Variants in TCOF1 observed in about 807,000 individuals in gnomAD.
TCOF1 encodes treacle ribosome biogenesis factor 1, also known as treacle protein.
TCOF1 carries 33 observed loss-of-function variants against 149.0 expected under a neutral mutation model. That is an observed-to-expected ratio of 0.22 (90% CI 0.17 to 0.30). The LOEUF (loss-of-function observed/expected upper bound fraction) is 0.30. Among genes scored for constraint, TCOF1 ranks in the 10% least tolerant of loss-of-function variants. The pLI is 1.00. For synonymous variants in TCOF1, 789 were observed against 738.8 expected, an observed-to-expected ratio of 1.07 and a Z score of -1.10; for missense variants, 1,728 against 1,840.7, an observed-to-expected ratio of 0.94 and a Z score of 1.12.
Position 150,398,373 on chromosome 5 carries a change from A to G in TCOF1, c.4365A>G (p.Lys1455=). The G allele has an allele frequency of 2.5e-6, 4 of 1,613,740 alleles. No individual in the cohort carries two copies. Among genetic ancestry groups the G allele is most frequent in the Non-Finnish European group, 3.4e-6 (4 of 1,179,944 alleles). Residue 1455 remains lysine (K), a synonymous_variant, in exon 25 of 27, where the codon AAA becomes AAG. Coordinates refer to ENST00000643257, the MANE Select transcript of TCOF1 (RefSeq NM_001371623.1). ...CCTTAGGAAAAAAAGACAAAGAAAA[A>G]AAAGAAAAGAAGAAGAAAGCAAAAA... ...KSDKRKKDKE[K]KEKKKKAKKA... is the part of the protein sequence containing the mutation.
intron 2 of TCOF1, among the ~76,000 whole-genome samples, chr5:150,362,415 G>A (rs1342579799): frequency 6.6e-6 from 1 of 152,136 alleles, no homozygotes; most frequent in Admixed American, 6.5e-5. Flanking sequence ...GAATTGCCTT[G>A]GATGGAAAGG....
chr5:150,369,782 C>T (rs1762137542), intron 6 of TCOF1, among the ~76,000 whole-genome samples, 180 bp downstream of exon 6: 1 of 152,120 alleles, frequency 6.6e-6, no homozygotes, highest in Non-Finnish European at 1.5e-5. Context: ...CTGCTTGCTG[C>T]ACTCTGAGTG....
At chr5:150,379,084 G>A (rs1203243457) in intron 15 of TCOF1, 42 bp downstream of exon 15, 1 of 1,613,724 alleles carries the variant, frequency 6.2e-7, no homozygotes, top group Non-Finnish European at 8.5e-7. Flanking sequence ...GAGGGTTGGG[G>A]TAGAGAGGAG....
chr5:150,359,497 A>G (rs975637142), intron 1 of TCOF1, among the ~76,000 whole-genome samples: 4 of 152,178 alleles, frequency 2.6e-5, no homozygotes, highest in African/African-American at 9.7e-5. Context: ...AGAGTTTTGA[A>G]CTGGTGAGAC....
rs1280722174 is a variant in TCOF1 at position 150,357,857 on chromosome 5, A to G, written c.108+3A>G. On this transcript the variant is annotated splice_donor_region_variant and intron_variant, in intron 1 of 26. Transcript: ENST00000643257. ...AAGTGAAGGAGCAGAGCGGCCAGGT[A>G]AGCGTTCGTGGGCCGTGTGCGAGGG... 1 of 1,549,036 alleles carries G rather than the reference A, an allele frequency of 6.5e-7. No homozygotes were observed. The highest frequency in any genetic ancestry group is 1.4e-5 in the African/African-American group (1 of 72,946).
intron 6 of TCOF1, among the ~76,000 whole-genome samples, chr5:150,370,604 C>T (rs1191104441): frequency 6.6e-6 from 1 of 152,176 alleles, no homozygotes; most frequent in Non-Finnish European, 1.5e-5. Flanking sequence ...GGTCCATGTG[C>T]CTTGGCCTCC....
chr5:150,381,533 T>G (rs1353422621), intron 17 of TCOF1, among the ~76,000 whole-genome samples: 1 of 152,198 alleles, frequency 6.6e-6, no homozygotes, highest in Non-Finnish European at 1.5e-5. Context: ...GGGCTGGGCA[T>G]GAAGGCACAT....
At position 150,388,085 on chromosome 5, in the gene TCOF1, C is replaced by G. The variant is rs752480094; in HGVS notation, c.3043C>G (p.Pro1015Ala). The change falls in exon 18 of 27, where the codon CCT (proline) becomes GCT (alanine). Residue 1015 changes from proline (P) to alanine (A), a missense_variant. This residue lies in a region of TCOF1 where 1,696 missense variants were observed against 1,765.4 expected (regional missense o/e 0.96). Transcript: ENST00000643257. The stretch of plus-strand genomic sequence containing the variant: ...GATCCCCGCTACACAGTGCTTGACT[C>G]CTGGTGAGCGCAGCCCTTATGCAGT... The part of the protein sequence containing the change: ...DVIPATQCLT[P>A]GIRTNVVTMP... The G allele has an allele frequency of 1.8e-5, 29 of 1,613,068 alleles. No homozygotes were observed. The highest frequency in any genetic ancestry group is 2.4e-5 in the Non-Finnish European group (28 of 1,179,966).
Position 150,390,006 on chromosome 5 carries a change from G to T in TCOF1, c.3166G>T (p.Glu1056Ter). 1.2e-6 allele frequency: 2 copies of T among 1,610,844 alleles called. No individual in the cohort carries two copies. The highest frequency in any genetic ancestry group is 2.2e-5 in the East Asian group (1 of 44,662). The change falls in exon 19 of 27, where the codon GAG becomes TAG. Residue 1056 changes from glutamate to a stop codon, truncating the protein, a stop_gained. Coordinates refer to ENST00000643257, the MANE Select transcript of TCOF1 (RefSeq NM_001371623.1). LOFTEE classifies it high-confidence loss of function. Reference protein sequence around the residue: ...SSRISDGKKQEGPATQVSKKN... With the variant: ...SSRISDGKKQ ...TCGGATATCAGATGGCAAGAAACAG[G>T]AGGGACCAGCCACTCAGGTACCTGG...
rs1763570966 is a variant in TCOF1, at chr5:150,375,564, C to T, written c.1704+10C>T. On this transcript the variant is annotated intron_variant, in intron 11 of 26. Coordinates refer to ENST00000643257, the MANE Select transcript of TCOF1 (RefSeq NM_001371623.1). ...TGTGGCCCCGGCTCAGGTGAGGCCC[C>T]TTCCTGTAAGGCTCTTTCTTTTTCC... The T allele has an allele frequency of 6.2e-7, 1 of 1,613,734 alleles. No homozygotes were observed. Among genetic ancestry groups the T allele is most frequent in the African/African-American group, 1.3e-5 (1 of 74,880 alleles).
Position 150,379,526 on chromosome 5 carries a change from C to T in TCOF1, c.2659-6C>T. The stretch of plus-strand genomic sequence containing the variant: ...CTCTCTCCTCTCATCCTGTTTCTCC[C>T]TCCAGGTGAAGCCTTCAGGGAAGAC... On this transcript the variant is annotated splice_polypyrimidine_tract_variant and splice_region_variant and intron_variant, in intron 16 of 26. Coordinates refer to ENST00000643257, the MANE Select transcript of TCOF1 (RefSeq NM_001371623.1). The T allele has an allele frequency of 6.2e-7, 1 of 1,614,190 alleles. No homozygotes were observed. The highest frequency in any genetic ancestry group is 8.5e-7 in the Non-Finnish European group (1 of 1,180,004).
intron 4 of TCOF1, chr5:150,368,484 C>T: frequency 1.8e-6 from 1 of 571,220 alleles, no homozygotes; most frequent in East Asian, 3.0e-5. Context: ...CTACTTACCA[C>T]TTAGTAAATA....
intron 3 of TCOF1, 44 bp downstream of exon 3, chr5:150,364,296 T>G (rs990040134): frequency 6.6e-5 from 106 of 1,612,946 alleles, no homozygotes; most frequent in Non-Finnish European, 8.7e-5. Flanking sequence ...GAATATTGAT[T>G]GTTCTAGGGT....
chr5:150,372,510 A>C (rs999359972), intron 7 of TCOF1, among the ~76,000 whole-genome samples: 3 of 152,214 alleles, frequency 2.0e-5, no homozygotes, highest in Non-Finnish European at 4.4e-5. Flanking sequence ...TGATTGCCTA[A>C]TCCTCTGACT....
At chr5:150,386,710 T>C (rs1252994965) in intron 17 of TCOF1, among the ~76,000 whole-genome samples, 1 of 152,160 alleles carries the variant, frequency 6.6e-6, no homozygotes, top group Non-Finnish European at 1.5e-5. Flanking sequence ...GGAGCAGAGC[T>C]CAAACCAGAT....
chr5:150,375,296 C>T, intron 10 of TCOF1, 43 bp from the exon 11 acceptor site: 1 of 1,606,136 alleles, frequency 6.2e-7, no homozygotes, highest in Non-Finnish European at 8.5e-7. Context: ...CTCACATTCT[C>T]CTTCTGGACT....
intron 17 of TCOF1, chr5:150,384,714 A>C: frequency 1.0e-6 from 1 of 985,502 alleles, no homozygotes; most frequent in African/African-American, 1.7e-5. Context: ...CGGTTTGTAC[A>C]TTCCCCCAGG....
Position 150,399,016 on chromosome 5 carries a change from T to C in TCOF1, c.4444-6T>C, listed in dbSNP as rs1480437700. The C allele has an allele frequency of 6.8e-6, 11 of 1,614,214 alleles. No homozygotes were observed. The highest frequency in any genetic ancestry group is 8.5e-6 in the Non-Finnish European group (10 of 1,180,040). On this transcript the variant is annotated splice_region_variant and splice_polypyrimidine_tract_variant and intron_variant, in intron 25 of 26. Coordinates refer to ENST00000643257, the MANE Select transcript of TCOF1 (RefSeq NM_001371623.1). Reference sequence around the variant, plus strand: ...CTGAGAGCCTCTCGTACTTCCCTCCTCACAGAAGAAGACAGCAGAGCAGAC... The same window carrying C: ...CTGAGAGCCTCTCGTACTTCCCTCCCCACAGAAGAAGACAGCAGAGCAGAC...
At chr5:150,396,151 G>T (rs1768455643) in intron 23 of TCOF1, 131 bp from the exon 24 acceptor site, 1 of 1,050,024 alleles carries the variant, frequency 9.5e-7, no homozygotes, top group East Asian at 2.4e-5. Flanking sequence ...TGACCGCCAA[G>T]CCTTGCTCTC....
Sources: gnomAD v4.1 joint callset for allele counts (sites outside exome capture counted in the v4.1 genomes callset) on GRCh38, gnomAD v4.1.1 for gene constraint, gnomAD v4.1.1 regional missense constraint, MANE v1.5 for transcripts, NCBI Gene and HGNC (gene_info 2026-07-23, HGNC 2026-07-21) for gene names.